Variants in DDX60L observed in about 807,000 individuals in gnomAD.
DDX60L encodes the protein probable ATP-dependent RNA helicase DDX60-like.
Under a neutral mutation model 211.6 loss-of-function variants are expected in DDX60L, and 191 were observed. The observed-to-expected ratio is 0.90, with a 90% CI of 0.80 to 1.02. The LOEUF is 1.02. Among genes scored for constraint, DDX60L ranks in the 50% least tolerant of loss-of-function variants. The probability of loss-of-function intolerance (pLI) is 0.00; values close to 1 mark genes in which losing one functional copy is unlikely to be tolerated. For missense variants in DDX60L, 2,007 were observed against 1,984.1 expected (o/e 1.01, Z -0.22); for synonymous variants, 706 against 694.1 (o/e 1.02, Z -0.27).
rs183921620 is a variant in DDX60L at position 168,457,687 on chromosome 4, C to T, written c.723+205G>A. On this transcript the variant is annotated intron_variant, in intron 6 of 37. Coordinates refer to ENST00000682922, the MANE Select transcript of DDX60L (RefSeq NM_001012967.3). Reference sequence around the variant, plus strand: ...AGAGTCTGTTTTAAAATATGGCTTCCGGAAATGAATATAAAATTACATATG... The same window carrying T: ...AGAGTCTGTTTTAAAATATGGCTTCTGGAAATGAATATAAAATTACATATG... 4.0e-3 allele frequency among the ~76,000 whole-genome samples: 610 copies of T among 152,098 alleles called. 20 individuals carry two copies. Among genetic ancestry groups the T allele is most frequent in the Non-Finnish European group, 1.5e-3 (101 of 67,984 alleles).
At chr4:168,476,223 A>G (rs921503389) in intron 1 of DDX60L, 1 of 152,178 alleles carries the variant, frequency 6.6e-6, no homozygotes, top group African/African-American at 2.4e-5. Flanking sequence ...CCTATTGTCA[A>G]TACAAAGTGT....
chr4:168,369,150 A>C (rs1436776315), intron 36 of DDX60L, among the ~76,000 whole-genome samples: 1 of 152,104 alleles, frequency 6.6e-6, no homozygotes, highest in African/African-American at 2.4e-5. Flanking sequence ...CCCCACCCAA[A>C]TCTTATCTTG....
chr4:168,368,478 C>G (rs1290070758), intron 36 of DDX60L, among the ~76,000 whole-genome samples: 5 of 152,242 alleles, frequency 3.3e-5, no homozygotes, highest in Admixed American at 3.3e-4. Context: ...AGGAGCAGGG[C>G]CCCCATGGAG....
At chr4:168,469,808 G>C (rs1346586039) in intron 4 of DDX60L, 1 of 152,280 alleles carries the variant, frequency 6.6e-6, no homozygotes, top group Non-Finnish European at 1.5e-5. Flanking sequence ...AACCCGGGAG[G>C]CAGAGGTTGC....
Position 168,394,494 on chromosome 4 carries a change from C to T in DDX60L, c.3781G>A (p.Glu1261Lys), listed in dbSNP as rs1745426746. The stretch of plus-strand genomic sequence containing the variant: ...ATAAGCCCTTTTACAAAGAGTATCT[C>T]AACAAACTCTTTTTCTTTAAAATAC... Reference protein sequence around the residue: ...SMYFKEKEFVEILFVKGLIRV... With the variant: ...SMYFKEKEFVKILFVKGLIRV... Residue 1261 changes from glutamate to lysine, a missense_variant, in exon 28 of 38, where the codon GAG (glutamate) becomes AAG (lysine). By Grantham distance (56) the Glu-to-Lys change is moderately conservative. Transcript: ENST00000682922. The T allele has an allele frequency of 6.2e-7, 1 of 1,609,436 alleles. No homozygotes were observed. Among genetic ancestry groups the T allele is most frequent in the Admixed American group, 1.7e-5 (1 of 59,142 alleles).
intron 17 of DDX60L, among the ~76,000 whole-genome samples, chr4:168,420,633 C>G (rs1750405416): frequency 3.2e-5 from 3 of 93,468 alleles, no homozygotes; most frequent in African/African-American, 8.4e-5. Flanking sequence ...CACACACACA[C>G]ACACACATGA....
At chr4:168,440,064 A>G (rs1753605347) in intron 10 of DDX60L, among the ~76,000 whole-genome samples, 1 of 152,202 alleles carries the variant, frequency 6.6e-6, no homozygotes, top group African/African-American at 2.4e-5. Flanking sequence ...CCAAAATAAA[A>G]AAGACTAACA....
Position 168,369,483 on chromosome 4 carries a change from CA to C in DDX60L, c.4928+2128del, listed in dbSNP as rs113198591. Among the ~76,000 whole-genome samples the C allele has an allele frequency of 8.9e-4, 37 of 41,502 alleles. No homozygotes were observed. The East Asian group carries it at 0.011, about 13-fold the overall frequency. 27.2% of individuals were successfully genotyped at this position (41,502 alleles called of 152,430 possible). Reference sequence around the variant, plus strand: ...AACTAATACAGCCATTTAAAAAAAACAAAAAAAAAAAAACAGCAGAAAAACT... The same window carrying C: ...AACTAATACAGCCATTTAAAAAAAACAAAAAAAAAAAACAGCAGAAAAACT... On this transcript the variant is annotated intron_variant, in intron 36 of 37. Coordinates refer to ENST00000682922, the MANE Select transcript of DDX60L (RefSeq NM_001012967.3).
Position 168,432,481 on chromosome 4 carries a change from T to C in DDX60L, c.1490A>G (p.Tyr497Cys), listed in dbSNP as rs774802482. The part of the protein sequence containing the change: ...WHAQRLLSDD[Y>C]DRIKCHVDEQ... ...ATCAACATGACATTTGATCCTGTCATAGTCGTCACTAAGGAGTCTTTGAGC... is the reference window on the plus strand; with the variant it reads ...ATCAACATGACATTTGATCCTGTCACAGTCGTCACTAAGGAGTCTTTGAGC... Residue 497 changes from tyrosine (Y) to cysteine (C), a missense_variant, in exon 12 of 38, where the codon TAT becomes TGT. Tyr to Cys is a radical substitution (Grantham distance 194, BLOSUM62 -2). Coordinates refer to ENST00000682922, the MANE Select transcript of DDX60L (RefSeq NM_001012967.3). 6 of 1,579,372 alleles carry C rather than the reference T, an allele frequency of 3.8e-6. No homozygotes were observed. The highest frequency in any genetic ancestry group is 1.7e-4 in the Middle Eastern group (1 of 5,946).
Position 168,371,777 on chromosome 4 carries a change from T to C in DDX60L, c.4777-14A>G. The C allele has an allele frequency of 6.3e-7, 1 of 1,588,954 alleles. No homozygotes were observed. The highest frequency in any genetic ancestry group is 2.2e-5 in the East Asian group (1 of 44,680). On this transcript the variant is annotated splice_polypyrimidine_tract_variant and intron_variant, in intron 35 of 37. Coordinates refer to ENST00000682922, the MANE Select transcript of DDX60L (RefSeq NM_001012967.3). ...GCGCAGGATGACCTGAAGAAAGACATTTTCTATTACTTCATTACTGATATG... is the reference window on the plus strand; with the variant it reads ...GCGCAGGATGACCTGAAGAAAGACACTTTCTATTACTTCATTACTGATATG...
intron 24 of DDX60L, among the ~76,000 whole-genome samples, chr4:168,405,301 C>T (rs1310719498): frequency 2.0e-5 from 3 of 152,174 alleles, no homozygotes; most frequent in Non-Finnish European, 4.4e-5. Flanking sequence ...AGCCACCACT[C>T]CCGGCCAACC....
chr4:168,478,258 C>T (rs1340057873), intron 1 of DDX60L, among the ~76,000 whole-genome samples: 1 of 151,736 alleles, frequency 6.6e-6, no homozygotes, highest in Non-Finnish European at 1.5e-5. Context: ...AACAGAAGGA[C>T]TTAGCCTTGC....
chr4:168,378,476 C>T lies in DDX60L; in HGVS notation c.4364-1G>A, dbSNP rs192148683. On this transcript the variant is annotated splice_acceptor_variant, in intron 32 of 37. Coordinates refer to ENST00000682922, the MANE Select transcript of DDX60L (RefSeq NM_001012967.3). LOFTEE classifies it high-confidence loss of function. Reference sequence around the variant, plus strand: ...ACATCTTGGGAAAATTGTTGTGAGCCTATTGAAATAAAGAGCATTATTATA... The same window carrying T: ...ACATCTTGGGAAAATTGTTGTGAGCTTATTGAAATAAAGAGCATTATTATA... 5.0e-4 allele frequency: 777 copies of T among 1,553,832 alleles called. 4 individuals carry two copies. The Middle Eastern group carries it at 0.018, about 36-fold the overall frequency.
At chr4:168,464,068 T>C (rs1219044438) in intron 4 of DDX60L, among the ~76,000 whole-genome samples, 1 of 152,200 alleles carries the variant, frequency 6.6e-6, no homozygotes, top group African/African-American at 2.4e-5. Context: ...CAAAGAAAGA[T>C]GGTTGAGGGA....
chr4:168,447,518 C>T (rs1314462806), intron 9 of DDX60L, among the ~76,000 whole-genome samples: 1 of 152,112 alleles, frequency 6.6e-6, no homozygotes, highest in East Asian at 1.9e-4. Flanking sequence ...TTGACCCAGC[C>T]ATCCCATTAC....
intron 14 of DDX60L, among the ~76,000 whole-genome samples, chr4:168,425,063 T>A (rs1248878131): frequency 6.6e-6 from 1 of 152,258 alleles, no homozygotes; most frequent in Non-Finnish European, 1.5e-5. Context: ...GACATAACTT[T>A]AAGAATACAA....
intron 7 of DDX60L, 131 bp from the exon 8 acceptor site, chr4:168,453,413 C>T (rs1756080731): frequency 8.5e-6 from 8 of 938,984 alleles, no homozygotes; most frequent in Non-Finnish European, 1.2e-5. Flanking sequence ...CTTCTGCATA[C>T]ACAAACTTGG....
chr4:168,363,013 A>T (rs1739362051), intron 36 of DDX60L, among the ~76,000 whole-genome samples: 1 of 152,214 alleles, frequency 6.6e-6, no homozygotes. Context: ...GGCACATTAT[A>T]ACCAAACTGT....
chr4:168,365,920 C>A (rs962388738), intron 36 of DDX60L, among the ~76,000 whole-genome samples: 1 of 152,010 alleles, frequency 6.6e-6, no homozygotes, highest in African/African-American at 2.4e-5. Flanking sequence ...AAAACAAAAA[C>A]CATATGATCT....
Sources: allele counts gnomAD v4.1 joint callset (sites outside exome capture counted in the v4.1 genomes callset), GRCh38; gene constraint gnomAD v4.1.1; transcripts MANE v1.5; gene names NCBI Gene and HGNC (gene_info 2026-07-23, HGNC 2026-07-21).